The following PTPRT variants were observed in gnomAD, a reference collection of about 807,000 sequenced individuals.
The protein encoded by PTPRT is protein tyrosine phosphatase receptor type T, also known as receptor-type tyrosine-protein phosphatase T.
Under a neutral mutation model 176.8 loss-of-function variants are expected in PTPRT, and 56 were observed. The observed-to-expected ratio is 0.32, with a 90% CI of 0.26 to 0.40. PTPRT has a LOEUF of 0.40. PTPRT is among the 10% of genes least tolerant of loss of function. PTPRT has a pLI of 1.00. For synonymous variants in PTPRT, 783 were observed against 739.0 expected (o/e 1.06, Z -0.96); for missense variants, 1,540 against 1,908.2 (o/e 0.81, Z 3.60).
chr20:42,822,350 T>G, intron 2 of PTPRT, among the ~76,000 whole-genome samples: 1 of 152,134 alleles, frequency 6.6e-6, no homozygotes, highest in East Asian at 1.9e-4. Flanking sequence ...CCTAGCCAAA[T>G]GCAAAAACAG....
chr20:42,919,021 G>C (rs114976456), intron 1 of PTPRT, among the ~76,000 whole-genome samples: 1 of 152,126 alleles, frequency 6.6e-6, no homozygotes, highest in Non-Finnish European at 1.5e-5. Flanking sequence ...CTTCTCCCAC[G>C]TCTCAGGGAC....
chr20:42,538,743 T>C (rs916724538), intron 7 of PTPRT, among the ~76,000 whole-genome samples: 1 of 152,164 alleles, frequency 6.6e-6, no homozygotes, highest in Non-Finnish European at 1.5e-5. Flanking sequence ...CAGGGAGATC[T>C]TTCTAACCAC....
At chr20:43,176,544 G>A (rs1326829608) in intron 1 of PTPRT, among the ~76,000 whole-genome samples, 7 of 151,680 alleles carry the variant, frequency 4.6e-5, no homozygotes, top group African/African-American at 4.8e-5. Context: ...AGAATATCAC[G>A]GACAAAGGCA....
rs1982730397 is a variant in PTPRT at position 42,075,981 on chromosome 20, C to T, written c.*4898G>A. ...ATCTGCATCCTCGGTTCTGAGTATT[C>T]ACTGGGTTCCAGTTTCCTGGCCTTG... is the stretch of plus-strand genomic sequence containing the variant. On this transcript the variant is annotated 3_prime_UTR_variant, in exon 31 of 31. Coordinates refer to ENST00000373187, the MANE Select transcript of PTPRT (RefSeq NM_007050.6). 1.8e-5 allele frequency: 4 copies of T among 223,400 alleles called. No individual in the cohort carries two copies. In the South Asian group the frequency reaches 7.4e-4, roughly 41 times the overall value. The allele number at this position is 223,400 out of a possible 1,614,324, so 13.8% of individuals were successfully genotyped here. A position where few individuals can be genotyped will look rare whatever the true frequency, so the allele number is the denominator to read the frequency against.
intron 1 of PTPRT, among the ~76,000 whole-genome samples, chr20:42,931,623 T>C (rs1407847036): frequency 6.6e-6 from 1 of 152,182 alleles, no homozygotes; most frequent in Non-Finnish European, 1.5e-5. Context: ...GCAAGCACTG[T>C]GCAGGCTTCT....
intron 7 of PTPRT, among the ~76,000 whole-genome samples, chr20:42,547,623 G>T (rs1260676340): frequency 6.6e-6 from 1 of 151,904 alleles, no homozygotes; most frequent in African/African-American, 2.4e-5. Context: ...CTTGTTAAAG[G>T]TTATACCTAA....
intron 15 of PTPRT, among the ~76,000 whole-genome samples, chr20:42,206,744 A>G (rs1017135100): frequency 2.6e-4 from 40 of 152,374 alleles, no homozygotes; most frequent in South Asian, 4.1e-4. Flanking sequence ...TTAGATAAAC[A>G]AAGCAGCCCG....
chr20:42,684,563 G>A (rs1359707619), intron 6 of PTPRT, among the ~76,000 whole-genome samples: 2 of 152,264 alleles, frequency 1.3e-5, no homozygotes, highest in Admixed American at 1.3e-4. Flanking sequence ...TATTTAGAGA[G>A]AAGACATCAA....
At chr20:43,175,189 C>T (rs1446350121) in intron 1 of PTPRT, among the ~76,000 whole-genome samples, 5 of 152,290 alleles carry the variant, frequency 3.3e-5, no homozygotes, top group African/African-American at 7.2e-5. Context: ...GAGAAAGAGA[C>T]GGAGGTGTGA....
chr20:42,566,935 T>A (rs1274862951), intron 7 of PTPRT, among the ~76,000 whole-genome samples: 1 of 152,148 alleles, frequency 6.6e-6, no homozygotes, highest in Non-Finnish European at 1.5e-5. Flanking sequence ...CTTCGTAACT[T>A]TTCCATGAAT....
At position 42,107,057 on chromosome 20, in the gene PTPRT, A is replaced by G. The variant is rs760403848; in HGVS notation, c.3255-136T>C. On this transcript the variant is annotated intron_variant, in intron 23 of 30. Coordinates refer to ENST00000373187, the MANE Select transcript of PTPRT (RefSeq NM_007050.6). ...TATGTGTTCCCACATTTCCTTTCTT[A>G]ATATGTATAGTTTGTAATGCATGTG... is the stretch of plus-strand genomic sequence containing the variant. 4.9e-5 allele frequency: 57 copies of G among 1,158,400 alleles called. No individual in the cohort carries two copies. The Middle Eastern group carries it at 8.4e-4, about 17-fold the overall frequency. 71.8% of individuals were successfully genotyped at this position (1,158,400 alleles called of 1,614,324 possible).
intron 13 of PTPRT, among the ~76,000 whole-genome samples, chr20:42,273,952 G>C (rs2056982701): frequency 6.6e-6 from 1 of 152,210 alleles, no homozygotes; most frequent in Non-Finnish European, 1.5e-5. Context: ...AGCTATCTGG[G>C]GTAGGAACAG....
At chr20:42,945,178 T>G (rs1420074417) in intron 1 of PTPRT, among the ~76,000 whole-genome samples, 1 of 151,270 alleles carries the variant, frequency 6.6e-6, no homozygotes, top group Non-Finnish European at 1.5e-5. Context: ...AATGTAACTC[T>G]AAAGATACAT....
At position 42,531,786 on chromosome 20, in the gene PTPRT, T is replaced by C. The variant is rs571764634; in HGVS notation, c.1154-59224A>G. Among the ~76,000 whole-genome samples the C allele has an allele frequency of 1.3e-4, 20 of 152,320 alleles. No individual in the cohort carries two copies. The East Asian group carries it at 3.1e-3, about 24-fold the overall frequency. Reference sequence around the variant, plus strand: ...TGGCTGTCCTCCACAGGCTTACAGATGCAGCTTCACAGCACATGAGAGATA... The same window carrying C: ...TGGCTGTCCTCCACAGGCTTACAGACGCAGCTTCACAGCACATGAGAGATA... On this transcript the variant is annotated intron_variant, in intron 7 of 30. Transcript: ENST00000373187.
At chr20:42,342,231 C>G (rs2058122570) in intron 11 of PTPRT, among the ~76,000 whole-genome samples, 2 of 152,188 alleles carry the variant, frequency 1.3e-5, no homozygotes, top group Admixed American at 1.3e-4. Context: ...GTGGGACAAC[C>G]TCATGGAGAA....
intron 2 of PTPRT, among the ~76,000 whole-genome samples, chr20:42,854,027 C>A (rs1022121695): frequency 5.9e-5 from 9 of 152,146 alleles, no homozygotes; most frequent in African/African-American, 2.2e-4. Context: ...TCCTTTCCAA[C>A]CCACCAAATC....
chr20:43,129,566 C>T (rs2013571773), intron 1 of PTPRT, among the ~76,000 whole-genome samples: 1 of 150,936 alleles, frequency 6.6e-6, no homozygotes, highest in Non-Finnish European at 1.5e-5. Flanking sequence ...TGCCTTTAGA[C>T]TCAGCTGCTC....
chr20:43,054,199 AAG>A (rs1167152745), intron 1 of PTPRT, among the ~76,000 whole-genome samples: 2 of 152,160 alleles, frequency 1.3e-5, no homozygotes, highest in East Asian at 3.9e-4. Flanking sequence ...ACTGGTAGAG[AAG>A]AGTTAATAGA....
At chr20:42,272,177 T>C (rs2056947753) in intron 13 of PTPRT, among the ~76,000 whole-genome samples, 1 of 152,180 alleles carries the variant, frequency 6.6e-6, no homozygotes, top group African/African-American at 2.4e-5. Flanking sequence ...TTGTGACACA[T>C]GGAAATTATA....
Sources: gnomAD v4.1 joint callset for allele counts (sites outside exome capture counted in the v4.1 genomes callset) on GRCh38, gnomAD v4.1.1 for gene constraint, MANE v1.5 for transcripts, NCBI Gene and HGNC (gene_info 2026-07-23, HGNC 2026-07-21) for gene names.